KIAA1217: variants seen among roughly 807,000 people sequenced by gnomAD.
KIAA1217 encodes sickle tail protein homolog.
A neutral mutation model predicts 163.9 loss-of-function variants in KIAA1217; 88 were observed. That is an observed-to-expected ratio of 0.54 (90% confidence interval 0.45 to 0.64). KIAA1217 has a LOEUF of 0.64. Among genes scored for constraint, KIAA1217 ranks in the 30% least tolerant of loss-of-function variants. The pLI, the probability that KIAA1217 is intolerant of heterozygous loss-of-function variation, is 0.00. For missense variants in KIAA1217, 2,372 were observed against 2,475.0 expected (o/e 0.96, Z 0.88); for synonymous variants, 903 against 923.1 (o/e 0.98, Z 0.39).
intron 3 of KIAA1217, among the ~76,000 whole-genome samples, chr10:24,431,319 C>T (rs2059588468): frequency 6.6e-6 from 1 of 152,232 alleles, no homozygotes; most frequent in Non-Finnish European, 1.5e-5. Flanking sequence ...GACTCAAATT[C>T]AGTGTCAGGA....
chr10:23,851,896 G>T (rs1237442258), intron 1 of KIAA1217, among the ~76,000 whole-genome samples: 1 of 151,964 alleles, frequency 6.6e-6, no homozygotes, highest in Non-Finnish European at 1.5e-5. Context: ...TGAGTTCATT[G>T]TAGATTCTGG....
chr10:24,099,569 TTATA>T (rs529207171), intron 2 of KIAA1217, among the ~76,000 whole-genome samples: 1 of 144,204 alleles, frequency 6.9e-6, no homozygotes, highest in African/African-American at 2.6e-5. Context: ...CACATTTTCT[TTATA>T]TATATATATA....
chr10:23,756,939 G>A (rs1833949315), intron 1 of KIAA1217, among the ~76,000 whole-genome samples: 1 of 152,224 alleles, frequency 6.6e-6, no homozygotes, highest in East Asian at 1.9e-4. Context: ...TTTCTATTAT[G>A]CTAAGTGCCT....
chr10:23,931,237 C>T (rs1338649319), intron 1 of KIAA1217, among the ~76,000 whole-genome samples: 2 of 152,078 alleles, frequency 1.3e-5, no homozygotes, highest in Non-Finnish European at 2.9e-5. Context: ...TGATAGGTAT[C>T]AGCATTAGCT....
At chr10:24,203,515 T>G (rs2067378104) in intron 2 of KIAA1217, among the ~76,000 whole-genome samples, 1 of 152,102 alleles carries the variant, frequency 6.6e-6, no homozygotes, top group Non-Finnish European at 1.5e-5. Context: ...ATCCTAGTTT[T>G]GGCAACTTGA....
intron 1 of KIAA1217, among the ~76,000 whole-genome samples, chr10:23,814,176 G>A (rs1837212064): frequency 6.6e-6 from 1 of 152,128 alleles, no homozygotes; most frequent in African/African-American, 2.4e-5. Context: ...AGGGCAGGGA[G>A]GGGGATGCCA....
At chr10:24,352,399 GAAA>G (rs1177233745) in intron 2 of KIAA1217, among the ~76,000 whole-genome samples, 1 of 152,186 alleles carries the variant, frequency 6.6e-6, no homozygotes, top group Admixed American at 6.5e-5. Context: ...ACTTTAGGTG[GAAA>G]CTTAAAAACC....
rs145265955 is a variant in KIAA1217, at chr10:24,524,540, G to A, written c.2674G>A (p.Val892Met). The stretch of plus-strand genomic sequence containing the variant: ...GGTTCGCCACGCGCAGAGCTCCCCT[G>A]TGGTCATCCAGCCCTCCCAGCACTC... ...MMVRHAQSSP[V>M]VIQPSQHSVA... is the part of the protein sequence containing the mutation. Residue 892 changes from valine to methionine, a missense_variant, in exon 13 of 21, where the codon GTG becomes ATG. This residue lies in a region of KIAA1217 where 1,431 missense variants were observed against 1,470.3 expected (regional missense o/e 0.97). Transcript: ENST00000376454. 4.0e-5 allele frequency: 64 copies of A among 1,613,988 alleles called. No homozygotes were observed. The African/African-American group carries it at 7.5e-4, about 19-fold the overall frequency.
rs115682036 is a variant in KIAA1217, at chr10:23,808,834, A to G, written c.-321+113600A>G. 7.1e-3 allele frequency among the ~76,000 whole-genome samples: 1,075 copies of G among 152,264 alleles called. 15 individuals carry two copies. The highest frequency in any genetic ancestry group is 0.025 in the African/African-American group (1,036 of 41,550). ...GGTTCCTGAATATGATAAGTAGATA[A>G]TAAAATAAAAATATAAACTCACCCA... is the stretch of plus-strand genomic sequence containing the variant. On this transcript the variant is annotated intron_variant, in intron 1 of 18. Transcript: ENST00000376462.
intron 2 of KIAA1217, among the ~76,000 whole-genome samples, chr10:24,331,772 G>A (rs1307385508): frequency 1.3e-5 from 2 of 152,186 alleles, no homozygotes; most frequent in African/African-American, 2.4e-5. Context: ...GGGAAATGTC[G>A]TTTCTATTAG....
rs2070878250 is a variant in KIAA1217, at chr10:24,520,217, C to T, written c.2272C>T (p.Leu758=). The part of the protein sequence containing the change: ...LKDVEDGAFL[L]RQVGEAVATL... ...AGACGTGGAAGACGGGGCTTTCCTC[C>T]TGCGTCAAGTGGGAGAGGCTGTAGC... Residue 758 remains leucine, a synonymous_variant, in exon 11 of 21, where the codon CTG becomes TTG. Coordinates refer to ENST00000376454, the MANE Select transcript of KIAA1217 (RefSeq NM_019590.5). 21 of 1,614,160 alleles carry T rather than the reference C, an allele frequency of 1.3e-5. No individual in the cohort carries two copies. The highest frequency in any genetic ancestry group is 1.7e-5 in the Non-Finnish European group (20 of 1,180,022).
At chr10:23,710,401 T>C (rs1588641197) in intron 1 of KIAA1217, among the ~76,000 whole-genome samples, 1 of 152,226 alleles carries the variant, frequency 6.6e-6, no homozygotes, top group African/African-American at 2.4e-5. Context: ...CACTTCTGCA[T>C]CTGATATTGA....
intron 2 of KIAA1217, among the ~76,000 whole-genome samples, chr10:24,268,170 A>G (rs1056444235): frequency 1.3e-5 from 2 of 152,248 alleles, no homozygotes; most frequent in African/African-American, 2.4e-5. Context: ...TCATTTGGCT[A>G]GAAAGGTCAG....
At position 24,375,907 on chromosome 10, in the gene KIAA1217, C is replaced by T. The variant is rs146165269; in HGVS notation, c.355-4962C>T. On this transcript the variant is annotated intron_variant, in intron 2 of 20. Coordinates refer to ENST00000376454, the MANE Select transcript of KIAA1217 (RefSeq NM_019590.5). ...ATTTGCAGGTTCATTTTCTGGACCT[C>T]GGCATTTCAATTTAGGGTTTAAGGG... Among the ~76,000 whole-genome samples the T allele has an allele frequency of 4.0e-4, 61 of 152,246 alleles. No homozygotes were observed. In the East Asian group the frequency reaches 0.012, roughly 29 times the overall value.
chr10:24,302,684 GAA>G (rs956120972), intron 2 of KIAA1217, among the ~76,000 whole-genome samples: 1 of 150,696 alleles, frequency 6.6e-6, no homozygotes, highest in Non-Finnish European at 1.5e-5. Flanking sequence ...TAAGTGCTAT[GAA>G]AAAAAAATAA....
In KIAA1217 at chr10:23,737,490, G is replaced by A. The variant is rs137867815; in HGVS notation, c.-321+42256G>A. Reference sequence around the variant, plus strand: ...TTACAGGTGTGAGTCACCCGCACCCGGCCACATTAACGTTTTAATAGAAGT... The same window carrying A: ...TTACAGGTGTGAGTCACCCGCACCCAGCCACATTAACGTTTTAATAGAAGT... On this transcript the variant is annotated intron_variant, in intron 1 of 18. Coordinates refer to the KIAA1217 transcript ENST00000376462. Among the ~76,000 whole-genome samples, 188 of 152,092 alleles carry A rather than the reference G, an allele frequency of 1.2e-3. 13 individuals are homozygous for A. The East Asian group carries it at 0.027, about 22-fold the overall frequency.
At chr10:23,930,735 T>C (rs1340141699) in intron 1 of KIAA1217, among the ~76,000 whole-genome samples, 1 of 152,220 alleles carries the variant, frequency 6.6e-6, no homozygotes, top group Non-Finnish European at 1.5e-5. Flanking sequence ...GGACATTCTC[T>C]TTTCCTTCAT....
intron 2 of KIAA1217, among the ~76,000 whole-genome samples, chr10:24,294,736 G>A (rs912359982): frequency 6.6e-6 from 1 of 152,096 alleles, no homozygotes; most frequent in Non-Finnish European, 1.5e-5. Flanking sequence ...TCTCCATTTA[G>A]TCTTCTGCAT....
chr10:23,822,590 G>A (rs1194740734), intron 1 of KIAA1217, among the ~76,000 whole-genome samples: 1 of 152,194 alleles, frequency 6.6e-6, no homozygotes, highest in African/African-American at 2.4e-5. Flanking sequence ...GAATCAACAG[G>A]TTGTTTCTGC....
Sources: allele counts gnomAD v4.1 joint callset (sites outside exome capture counted in the v4.1 genomes callset), GRCh38; gene constraint gnomAD v4.1.1; regional missense constraint gnomAD v4.1.1; transcripts MANE v1.5; gene names NCBI Gene and HGNC (gene_info 2026-07-23, HGNC 2026-07-21).